Variants in PPM1L observed in about 807,000 individuals in gnomAD.
PPM1L encodes the protein protein phosphatase 1L.
Under a neutral mutation model 31.4 loss-of-function variants are expected in PPM1L, and 13 were observed. The ratio of observed to expected loss-of-function variants is 0.41; its 90% CI spans 0.27 to 0.66. The LOEUF (loss-of-function observed/expected upper bound fraction) is 0.66. Among genes scored for constraint, PPM1L ranks in the 30% least tolerant of loss-of-function variants. PPM1L has a pLI of 0.29. For missense variants in PPM1L, 326 were observed against 453.7 expected (o/e 0.72, Z 2.56); for synonymous variants, 184 against 175.4 (o/e 1.05, Z -0.39).
In PPM1L at chr3:160,812,912, A is replaced by G. The variant is rs1005130267; in HGVS notation, c.399+56205A>G. 2.6e-5 allele frequency among the ~76,000 whole-genome samples: 4 copies of G among 152,242 alleles called. No individual in the cohort carries two copies. In the East Asian group the frequency reaches 7.7e-4, roughly 29 times the overall value. On this transcript the variant is annotated intron_variant, in intron 1 of 3. Transcript: ENST00000498165. ...GTCCTTGCCAACCTTATAATAAAGTAGGTGATGTTTATAATGTCTATTATG... is the reference window on the plus strand; with the variant it reads ...GTCCTTGCCAACCTTATAATAAAGTGGGTGATGTTTATAATGTCTATTATG...
At chr3:161,053,943 A>G (rs1258754217) in intron 2 of PPM1L, among the ~76,000 whole-genome samples, 2 of 151,856 alleles carry the variant, frequency 1.3e-5, no homozygotes, top group Non-Finnish European at 2.9e-5. Flanking sequence ...GGAAAAGAAA[A>G]TTTTAATTTG....
At chr3:160,773,602 C>A (rs954306506) in intron 1 of PPM1L, among the ~76,000 whole-genome samples, 1 of 152,130 alleles carries the variant, frequency 6.6e-6, no homozygotes, top group African/African-American at 2.4e-5. Context: ...AGCCTTGTTT[C>A]CTTATATTCC....
chr3:160,808,390 T>TGTGTGTGTGTGTGTGTGCGCGCGCGCGC lies in PPM1L; in HGVS notation c.399+51700_399+51701insCGCGCGCGCGCGTGTGTGTGTGTGTGTG, dbSNP rs1560112673. ...TGCAGTGCCAGGATTTTCCTGTGTG[T>TGTGTGTGTGTGTGTGTGCGCGCGCGCGC]GTGTGTGTGTGTGTGTGTGTGTGTG... On this transcript the variant is annotated intron_variant, in intron 1 of 3. Transcript: ENST00000498165. 6.6e-4 allele frequency among the ~76,000 whole-genome samples: 97 copies of TGTGTGTGTGTGTGTGTGCGCGCGCGCGC among 146,554 alleles called. 3 individuals carry two copies. The highest frequency in any genetic ancestry group is 1.2e-3 in the Non-Finnish European group (77 of 66,672).
chr3:160,912,964 T>A (rs1044750780), intron 1 of PPM1L, among the ~76,000 whole-genome samples: 1 of 152,210 alleles, frequency 6.6e-6, no homozygotes, highest in African/African-American at 2.4e-5. Context: ...TTACATTTGA[T>A]AACCTCTTTG....
chr3:160,954,397 T>C (rs939520451), intron 1 of PPM1L, among the ~76,000 whole-genome samples: 1 of 152,138 alleles, frequency 6.6e-6, no homozygotes, highest in African/African-American at 2.4e-5. Context: ...TGTCTCACCC[T>C]GTCACTCAGG....
In PPM1L at chr3:160,999,047, A is replaced by G. The variant is rs138717493; in HGVS notation, c.574+37137A>G. 3.3e-3 allele frequency among the ~76,000 whole-genome samples: 497 copies of G among 152,294 alleles called. 1 individual carries two copies. Among genetic ancestry groups the G allele is most frequent in the African/African-American group, 0.011 (475 of 41,566 alleles). ...GATAACATGGTTGCTACCGCCTGGC[A>G]CAATAAATGCAATTTTGGTGCAATG... On this transcript the variant is annotated intron_variant, in intron 2 of 3. Coordinates refer to ENST00000498165, the MANE Select transcript of PPM1L (RefSeq NM_139245.4).
chr3:161,077,077 C>A lies in PPM1L; in HGVS notation c.*7920C>A, dbSNP rs1720126406. 6.6e-6 allele frequency: 1 copy of A among 152,204 alleles called. No individual in the cohort carries two copies. The highest frequency in any genetic ancestry group is 2.4e-5 in the African/African-American group (1 of 41,442). 9.4% of individuals were successfully genotyped at this position (152,204 alleles called of 1,614,324 possible). On this transcript the variant is annotated 3_prime_UTR_variant, in exon 4 of 4. Transcript: ENST00000498165. ...CATCACTGCCTTCTTGGGGCTTACA[C>A]CCTATTGGGGTGTCAGAGATATTAT...
At chr3:161,009,950 A>G (rs183614705) in intron 2 of PPM1L, among the ~76,000 whole-genome samples, 23 of 152,306 alleles carry the variant, frequency 1.5e-4, no homozygotes, top group African/African-American at 5.3e-4. Flanking sequence ...TAATGGAAGT[A>G]GTTGTTTCAA....
chr3:160,842,617 G>T (rs1713918517), intron 1 of PPM1L, among the ~76,000 whole-genome samples: 1 of 152,174 alleles, frequency 6.6e-6, no homozygotes, highest in South Asian at 2.1e-4. Flanking sequence ...GCAGGAAGAA[G>T]TTAGCTGCTT....
In PPM1L at chr3:160,932,372, C is replaced by T. The variant is rs559520172; in HGVS notation, c.400-29364C>T. 5.9e-5 allele frequency among the ~76,000 whole-genome samples: 9 copies of T among 152,252 alleles called. No individual in the cohort carries two copies. The South Asian group carries it at 1.5e-3, about 25-fold the overall frequency. ...ATAGGAGACATAGTGCTGGACAGTG[C>T]ATTAAGAAACTTTGTTTCTGACTTC... is the stretch of plus-strand genomic sequence containing the variant. On this transcript the variant is annotated intron_variant, in intron 1 of 3. Coordinates refer to ENST00000498165, the MANE Select transcript of PPM1L (RefSeq NM_139245.4).
At chr3:160,917,583 CAT>C (rs771097092) in intron 1 of PPM1L, among the ~76,000 whole-genome samples, 19 of 152,202 alleles carry the variant, frequency 1.2e-4, no homozygotes, top group Middle Eastern at 3.4e-3. Flanking sequence ...GCATGATTTT[CAT>C]AAGACTGGTT....
At chr3:160,772,249 A>G (rs1560103161) in intron 1 of PPM1L, among the ~76,000 whole-genome samples, 2 of 152,232 alleles carry the variant, frequency 1.3e-5, no homozygotes, top group Non-Finnish European at 2.9e-5. Flanking sequence ...AGAGACAGAA[A>G]TTGTTTATCC....
chr3:160,825,196 A>G (rs1017507850), intron 1 of PPM1L, among the ~76,000 whole-genome samples: 3 of 152,088 alleles, frequency 2.0e-5, no homozygotes, highest in African/African-American at 7.2e-5. Flanking sequence ...AGCCATTTGC[A>G]ATGGAGTAAT....
At chr3:161,063,552 G>T (rs550768080) in intron 2 of PPM1L, among the ~76,000 whole-genome samples, 6 of 150,464 alleles carry the variant, frequency 4.0e-5, no homozygotes, top group African/African-American at 7.3e-5. Flanking sequence ...CAGTGTTGTT[G>T]TTTTTTTTTC....
chr3:160,852,114 C>T (rs1467823338), intron 1 of PPM1L, among the ~76,000 whole-genome samples: 1 of 152,094 alleles, frequency 6.6e-6, no homozygotes, highest in Non-Finnish European at 1.5e-5. Context: ...ATGTTCATGA[C>T]AAGTGTTTCA....
chr3:160,959,115 C>A (rs143008062), intron 1 of PPM1L, among the ~76,000 whole-genome samples: 35 of 152,262 alleles, frequency 2.3e-4, no homozygotes, highest in Non-Finnish European at 4.3e-4. Flanking sequence ...TGCTACTCAG[C>A]CATAAAACAG....
intron 1 of PPM1L, among the ~76,000 whole-genome samples, chr3:160,777,139 A>G (rs904450282): frequency 6.6e-6 from 1 of 152,074 alleles, no homozygotes; most frequent in African/African-American, 2.4e-5. Flanking sequence ...CCTGGGCAAC[A>G]GAGTGAGACC....
At chr3:160,912,479 C>T (rs6776120) in intron 1 of PPM1L, among the ~76,000 whole-genome samples, 125,363 of 152,170 alleles carry the variant, frequency 0.82, 51,832 homozygotes, top group Middle Eastern at 0.89. Context: ...TGGACCTGCC[C>T]TCTGTTAACA....
intron 2 of PPM1L, among the ~76,000 whole-genome samples, chr3:160,965,299 T>C (rs1337053983): frequency 1.3e-5 from 2 of 152,032 alleles, no homozygotes; most frequent in Non-Finnish European, 2.9e-5. Context: ...TGTGCAGATG[T>C]AACCATCCTA....
Sources: allele counts gnomAD v4.1 joint callset (sites outside exome capture counted in the v4.1 genomes callset), GRCh38; gene constraint gnomAD v4.1.1; transcripts MANE v1.5; gene names NCBI Gene and HGNC (gene_info 2026-07-23, HGNC 2026-07-21).